GRM8: variants seen among roughly 807,000 people sequenced by gnomAD.
GRM8 encodes metabotropic glutamate receptor 8.
In GRM8, 47 loss-of-function variants were observed where a neutral mutation model predicts 87.2. The observed-to-expected ratio is 0.54, with a 90% CI of 0.43 to 0.69. The LOEUF (loss-of-function observed/expected upper bound fraction) is 0.69, where lower values mean the gene tolerates loss of function less well. Among genes scored for constraint, GRM8 ranks in the 30% least tolerant of loss-of-function variants. GRM8 has a pLI of 0.00. For missense variants in GRM8, 1,019 were observed against 1,139.2 expected (o/e 0.89, Z 1.52); for synonymous variants, 396 against 404.5 (o/e 0.98, Z 0.25).
At chr7:126,525,689 T>G (rs1032341870) in intron 9 of GRM8, among the ~76,000 whole-genome samples, 11 of 152,224 alleles carry the variant, frequency 7.2e-5, no homozygotes, top group African/African-American at 2.7e-4. Context: ...TTCTGAGAGT[T>G]TCTCAGTTTT....
chr7:126,636,242 A>G lies in GRM8; in HGVS notation c.1358-26744T>C, dbSNP rs76040425. On this transcript the variant is annotated intron_variant, in intron 7 of 10. Coordinates refer to ENST00000339582, the MANE Select transcript of GRM8 (RefSeq NM_000845.3). Reference sequence around the variant, plus strand: ...ATAAAATACATATTTTGTATTTTTAAATTATGAGAACAGCATAGGAGAATA... The same window carrying G: ...ATAAAATACATATTTTGTATTTTTAGATTATGAGAACAGCATAGGAGAATA... Among the ~76,000 whole-genome samples, 878 of 152,170 alleles carry G rather than the reference A, an allele frequency of 5.8e-3. 48 individuals are homozygous for G. The East Asian group carries it at 0.12, about 21-fold the overall frequency.
rs557301106 is a variant in GRM8, at chr7:127,217,024, T to C, written c.510+25671A>G. Among the ~76,000 whole-genome samples, 20 of 152,238 alleles carry C rather than the reference T, an allele frequency of 1.3e-4. 1 individual carries two copies. The highest frequency in any genetic ancestry group is 6.5e-5 in the Admixed American group (1 of 15,290). ...GTATCTTAAATTATCAAGTTATTTG[T>C]ATATTTTCTCATTTATTCTTTACTT... On this transcript the variant is annotated intron_variant, in intron 2 of 10. Coordinates refer to ENST00000339582, the MANE Select transcript of GRM8 (RefSeq NM_000845.3).
chr7:127,097,313 T>A (rs1180691009), intron 3 of GRM8, among the ~76,000 whole-genome samples: 1 of 152,090 alleles, frequency 6.6e-6, no homozygotes, highest in Non-Finnish European at 1.5e-5. Flanking sequence ...ACATGGCAAA[T>A]AATATTCAAT....
At chr7:127,162,550 C>G (rs889288972) in intron 2 of GRM8, among the ~76,000 whole-genome samples, 1 of 152,296 alleles carries the variant, frequency 6.6e-6, no homozygotes, top group Non-Finnish European at 1.5e-5. Context: ...CTCCCCTTCT[C>G]TCTTTTTGCT....
At chr7:126,989,199 T>C (rs1812395466) in intron 3 of GRM8, among the ~76,000 whole-genome samples, 1 of 152,168 alleles carries the variant, frequency 6.6e-6, no homozygotes, top group Non-Finnish European at 1.5e-5. Flanking sequence ...CAAACCTAAG[T>C]ACATTAATTA....
intron 2 of GRM8, among the ~76,000 whole-genome samples, chr7:127,167,376 C>T (rs535432272): frequency 1.1e-3 from 173 of 152,242 alleles, no homozygotes; most frequent in African/African-American, 4.1e-3. Context: ...TATATGCAAA[C>T]TTTAAATTAG....
At chr7:126,966,275 C>T (rs756880700) in intron 3 of GRM8, among the ~76,000 whole-genome samples, 1 of 152,090 alleles carries the variant, frequency 6.6e-6, no homozygotes, top group Non-Finnish European at 1.5e-5. Flanking sequence ...GCTGGGACTA[C>T]AGGCATGTAC....
At chr7:127,190,249 AC>A (rs1794953129) in intron 2 of GRM8, among the ~76,000 whole-genome samples, 1 of 152,200 alleles carries the variant, frequency 6.6e-6, no homozygotes. Context: ...GAGCTGGTAT[AC>A]CCTCATCTCT....
intron 3 of GRM8, among the ~76,000 whole-genome samples, chr7:127,053,183 T>C (rs1819656611): frequency 6.6e-6 from 1 of 152,200 alleles, no homozygotes; most frequent in South Asian, 2.1e-4. Context: ...TGGTTTTAGC[T>C]CTAAAATTCA....
chr7:127,062,669 T>A (rs1178663564), intron 3 of GRM8, among the ~76,000 whole-genome samples: 1 of 152,156 alleles, frequency 6.6e-6, no homozygotes, highest in Admixed American at 6.5e-5. Context: ...GGTAGGCTAT[T>A]TATTAGATTC....
chr7:126,596,141 A>T (rs1797168719), intron 8 of GRM8, among the ~76,000 whole-genome samples: 1 of 152,026 alleles, frequency 6.6e-6, no homozygotes, highest in Admixed American at 6.6e-5. Context: ...AACCCCAAAA[A>T]CCAAAACTAT....
At chr7:126,473,231 A>G (rs13237736) in intron 9 of GRM8, among the ~76,000 whole-genome samples, 21,776 of 152,232 alleles carry the variant, frequency 0.14, 1,728 homozygotes, top group South Asian at 0.18. Context: ...ATGCCAGCCC[A>G]TGAAAGCAGC....
At chr7:126,440,134 C>T (rs1801288640) in intron 10 of GRM8, among the ~76,000 whole-genome samples, 1 of 151,636 alleles carries the variant, frequency 6.6e-6, no homozygotes, top group Admixed American at 6.6e-5. Context: ...TCTACAGTGG[C>T]TGGGTGCAGA....
intron 9 of GRM8, among the ~76,000 whole-genome samples, chr7:126,501,576 G>A (rs1196901333): frequency 6.6e-6 from 1 of 152,018 alleles, no homozygotes; most frequent in African/African-American, 2.4e-5. Flanking sequence ...CAGTGGCAGA[G>A]ATAATATTTC....
Position 126,941,443 on chromosome 7 carries a change from T to TAAAA in GRM8, c.728-36764_728-36761dup, listed in dbSNP as rs11453714. Among the ~76,000 whole-genome samples, 547 of 128,824 alleles carry TAAAA rather than the reference T, an allele frequency of 4.2e-3. 3 individuals are homozygous for TAAAA. The highest frequency in any genetic ancestry group is 0.015 in the African/African-American group (509 of 33,680). 84.5% of individuals were successfully genotyped at this position (128,824 alleles called of 152,430 possible). A position where few individuals can be genotyped will look rare whatever the true frequency, so the allele number is the denominator to read the frequency against. On this transcript the variant is annotated intron_variant, in intron 3 of 10. Transcript: ENST00000339582. ...CAACACAGTGAAACCCCATCTCTAC[T>TAAAA]AAAAAAAAAAAAAAAAAATACAAAA... is the stretch of plus-strand genomic sequence containing the variant.
intron 3 of GRM8, chr7:127,105,510 G>A (rs898729290): frequency 6.6e-6 from 1 of 152,138 alleles, no homozygotes; most frequent in South Asian, 2.1e-4. Flanking sequence ...AATAACATCA[G>A]ACTTTTTGTC....
At chr7:126,772,778 C>T (rs1226265566) in intron 6 of GRM8, among the ~76,000 whole-genome samples, 3 of 152,134 alleles carry the variant, frequency 2.0e-5, no homozygotes, top group Admixed American at 2.0e-4. Flanking sequence ...TCAAAGCTTC[C>T]ACCATGTCCT....
intron 2 of GRM8, among the ~76,000 whole-genome samples, chr7:127,162,210 A>G (rs1377700073): frequency 1.3e-5 from 2 of 152,246 alleles, no homozygotes; most frequent in African/African-American, 4.8e-5. Context: ...TCCAGGCCAC[A>G]AAGAACAGGA....
chr7:127,022,296 T>C (rs1363392037), intron 3 of GRM8, among the ~76,000 whole-genome samples: 5 of 152,088 alleles, frequency 3.3e-5, no homozygotes, highest in African/African-American at 1.2e-4. Flanking sequence ...TCTGTAAGGA[T>C]CTTCTAGATG....
Sources: gnomAD v4.1 joint callset for allele counts (sites outside exome capture counted in the v4.1 genomes callset) on GRCh38, gnomAD v4.1.1 for gene constraint, MANE v1.5 for transcripts, NCBI Gene and HGNC (gene_info 2026-07-23, HGNC 2026-07-21) for gene names.